The following FEZ1 variants were observed in gnomAD, a reference collection of about 807,000 sequenced individuals.
The protein encoded by FEZ1 is fasciculation and elongation protein zeta 1, also known as fasciculation and elongation protein zeta-1.
FEZ1 carries 20 observed loss-of-function variants against 49.3 expected under a neutral mutation model. The observed-to-expected ratio is 0.41, with a 90% CI of 0.29 to 0.59. FEZ1 has a LOEUF of 0.59. FEZ1 is among the 20% of genes least tolerant of loss of function. The pLI is 0.36. For missense variants in FEZ1, 413 were observed against 476.0 expected (o/e 0.87, Z 1.23); for synonymous variants, 170 against 180.9 (o/e 0.94, Z 0.48).
rs565082202 is a variant in FEZ1, at chr11:125,445,842, A to G, written c.*253T>C. 2.1e-4 allele frequency: 111 copies of G among 537,716 alleles called. No individual in the cohort carries two copies. Among genetic ancestry groups the G allele is most frequent in the Admixed American group, 8.7e-4 (33 of 37,900 alleles). The allele number at this position is 537,716 out of a possible 1,614,324, so 33.3% of individuals were successfully genotyped here. On this transcript the variant is annotated 3_prime_UTR_variant, in exon 10 of 10. Transcript: ENST00000278919. The surrounding 1 kb of genome is among the most constrained non-coding windows in gnomAD (Gnocchi z 4.4). ...GCCAGACTACATAATGAGCGGTGAA[A>G]GCGGCTGCCTTCCCCTCTCCTGACA...
chr11:125,463,411 C>T, intron 4 of FEZ1, 73 bp downstream of exon 4: 2 of 841,158 alleles, frequency 2.4e-6, no homozygotes, highest in African/African-American at 1.7e-5. Context: ...ATGGATGTGG[C>T]AAGTGTGTTC....
Position 125,489,054 on chromosome 11 carries a change from T to C in FEZ1, c.311+413A>G. 2.0e-6 allele frequency: 2 copies of C among 987,044 alleles called. No homozygotes were observed. Among genetic ancestry groups the C allele is most frequent in the Non-Finnish European group, 2.4e-6 (2 of 831,178 alleles). The allele number at this position is 987,044 out of a possible 1,614,324, so 61.1% of individuals were successfully genotyped here. The stretch of plus-strand genomic sequence containing the variant: ...CTGAGGGGCTGTCAAAAATTCGGGA[T>C]TTTCAAAATTCTGGTGTTTCTTGAA... On this transcript the variant is annotated intron_variant, in intron 2 of 9. Coordinates refer to ENST00000278919, the MANE Select transcript of FEZ1 (RefSeq NM_005103.5). The surrounding 1 kb of genome is among the most constrained non-coding windows in gnomAD (Gnocchi z 4.2).
chr11:125,481,742 G>A lies in FEZ1; in HGVS notation c.312-109C>T. Reference sequence around the variant, plus strand: ...GAGAGGCTTCTGTGTGTGCCAGGCTGAGATCATCTGCCTTCCAGCATGCAG... The same window carrying A: ...GAGAGGCTTCTGTGTGTGCCAGGCTAAGATCATCTGCCTTCCAGCATGCAG... On this transcript the variant is annotated intron_variant, in intron 2 of 9. Coordinates refer to ENST00000278919, the MANE Select transcript of FEZ1 (RefSeq NM_005103.5). 6.3e-6 allele frequency: 5 copies of A among 787,458 alleles called. No homozygotes were observed. In the South Asian group the frequency reaches 7.0e-5, roughly 11 times the overall value. The allele number at this position is 787,458 out of a possible 1,614,324, so 48.8% of individuals were successfully genotyped here.
chr11:125,474,601 C>A (rs575955261), intron 3 of FEZ1, among the ~76,000 whole-genome samples: 1 of 152,246 alleles, frequency 6.6e-6, no homozygotes, highest in African/African-American at 2.4e-5. Context: ...TTATAAGAAA[C>A]TCTTATGGCC....
At chr11:125,478,061 A>T (rs1340385350) in intron 3 of FEZ1, among the ~76,000 whole-genome samples, 1 of 152,242 alleles carries the variant, frequency 6.6e-6, no homozygotes, top group Admixed American at 6.5e-5. Context: ...TGCAGTCACA[A>T]TTCAATAGTT....
chr11:125,476,201 C>T (rs1442864537), intron 3 of FEZ1, among the ~76,000 whole-genome samples: 1 of 152,104 alleles, frequency 6.6e-6, no homozygotes, highest in Admixed American at 6.5e-5. Context: ...GTGATGGTTT[C>T]GCAGATATAT....
intron 3 of FEZ1, among the ~76,000 whole-genome samples, chr11:125,473,652 C>G (rs61917855): frequency 0.34 from 51,359 of 151,800 alleles, 8,972 homozygotes; most frequent in South Asian, 0.49. Context: ...AACTCTGCCT[C>G]TACTAAAAAT....
At position 125,446,159 on chromosome 11, in the gene FEZ1, G is replaced by A. The variant is rs761727083; in HGVS notation, c.1163-48C>T. On this transcript the variant is annotated intron_variant, in intron 9 of 9. Transcript: ENST00000278919. Reference sequence around the variant, plus strand: ...GAGAGCGGTCAGAACACAGTTGCAGGTGGGGACCTCCGAGCCCTGGATAGC... The same window carrying A: ...GAGAGCGGTCAGAACACAGTTGCAGATGGGGACCTCCGAGCCCTGGATAGC... 15 of 1,605,478 alleles carry A rather than the reference G, an allele frequency of 9.3e-6. No homozygotes were observed. The South Asian group carries it at 1.2e-4, about 13-fold the overall frequency.
intron 1 of FEZ1, among the ~76,000 whole-genome samples, chr11:125,493,441 G>GAAAGAAAGAAAGAAAGAAAGAAA (rs1957413629): frequency 2.9e-5 from 1 of 34,042 alleles, no homozygotes; most frequent in Admixed American, 3.2e-4. Context: ...AAGGAAAGAA[G>GAAAGAAAGAAAGAAAGAAAGAAA]GAAAGAAGGA....
intron 7 of FEZ1, 71 bp downstream of exon 7, chr11:125,454,059 C>T (rs532864137): frequency 2.2e-5 from 22 of 983,002 alleles, no homozygotes; most frequent in Non-Finnish European, 3.3e-5. Context: ...GTCACTGTCC[C>T]CCTGCGTTGC....
intron 9 of FEZ1, among the ~76,000 whole-genome samples, 175 bp from the exon 10 acceptor site, chr11:125,446,286 C>A (rs1312287956): frequency 2.6e-5 from 4 of 152,202 alleles, no homozygotes; most frequent in African/African-American, 9.7e-5. Context: ...GTTATAATAA[C>A]TAAGCGTGTA....
At chr11:125,452,288 G>T (rs1362687489) in intron 8 of FEZ1, 46 bp downstream of exon 8, 1 of 1,289,758 alleles carries the variant, frequency 7.8e-7, no homozygotes, top group East Asian at 2.3e-5. Context: ...AGGCAGGAAG[G>T]GAGAAAAAGG....
At chr11:125,480,387 GA>G in intron 3 of FEZ1, among the ~76,000 whole-genome samples, 1 of 151,772 alleles carries the variant, frequency 6.6e-6, no homozygotes, top group Non-Finnish European at 1.5e-5. Flanking sequence ...CCCTGTCTGA[GA>G]AAAAAAGAGA....
At position 125,460,591 on chromosome 11, in the gene FEZ1, C is replaced by T; in HGVS notation, c.574G>A (p.Asp192Asn). 1 of 1,614,024 alleles carries T rather than the reference C, an allele frequency of 6.2e-7. No individual in the cohort carries two copies. Among genetic ancestry groups the T allele is most frequent in the Non-Finnish European group, 8.5e-7 (1 of 1,179,904 alleles). Residue 192 changes from aspartate (D) to asparagine (N), a missense_variant, in exon 5 of 10, where the codon GAT becomes AAT. By Grantham distance (23) the Asp-to-Asn change is conservative (BLOSUM62 1). Coordinates refer to ENST00000278919, the MANE Select transcript of FEZ1 (RefSeq NM_005103.5). ...GCCTGGGAGGAAGTTTCTCCTCCAT[C>T]CTCTTCTTCCAGAACCTCCTCTTCT... is the stretch of plus-strand genomic sequence containing the variant. ...EEEEEVLEEE[D>N]GGETSSQADS...
rs570698370 is a variant in FEZ1 at position 125,485,019 on chromosome 11, C to T, written c.312-3386G>A. 1.2e-4 allele frequency among the ~76,000 whole-genome samples: 19 copies of T among 152,244 alleles called. 1 individual carries two copies. The highest frequency in any genetic ancestry group is 4.6e-4 in the African/African-American group (19 of 41,532). ...GTGTGCATCACCCCTTTTGTGAGTACCCGGAGGTGGACTGTAAAGTTTTAC... is the reference window on the plus strand; with the variant it reads ...GTGTGCATCACCCCTTTTGTGAGTATCCGGAGGTGGACTGTAAAGTTTTAC... On this transcript the variant is annotated intron_variant, in intron 2 of 9. Transcript: ENST00000278919.
chr11:125,460,307 T>C, intron 5 of FEZ1, 191 bp downstream of exon 5: 1 of 490,308 alleles, frequency 2.0e-6, no homozygotes, highest in Non-Finnish European at 3.6e-6. Context: ...CTCGACTACC[T>C]TGTTCTTTTC....
intron 5 of FEZ1, 112 bp from the exon 6 acceptor site, chr11:125,456,218 C>A: frequency 9.9e-7 from 1 of 1,009,106 alleles, no homozygotes; most frequent in East Asian, 2.5e-5. Context: ...GAGGAGATCC[C>A]TTCCAACTCC....
chr11:125,455,736 G>T, intron 6 of FEZ1, 99 bp downstream of exon 6: 1 of 1,253,092 alleles, frequency 8.0e-7, no homozygotes, highest in African/African-American at 1.5e-5. Flanking sequence ...ACCACTGCTC[G>T]GTAAACGTTG....
chr11:125,452,234 T>C, intron 8 of FEZ1, 100 bp downstream of exon 8: 1 of 806,522 alleles, frequency 1.2e-6, no homozygotes, highest in East Asian at 2.4e-5. Context: ...CATGTAAACC[T>C]GCTTTGAGGA....
Sources: allele counts gnomAD v4.1 joint callset (sites outside exome capture counted in the v4.1 genomes callset), GRCh38; gene constraint gnomAD v4.1.1; non-coding constraint Gnocchi (gnomAD v3.1); transcripts MANE v1.5; gene names NCBI Gene and HGNC (gene_info 2026-07-23, HGNC 2026-07-21).